Variants in DCP1A observed in about 807,000 individuals in gnomAD.
DCP1A encodes the protein decapping mRNA 1A.
A neutral mutation model predicts 58.0 loss-of-function variants in DCP1A; 20 were observed. The ratio of observed to expected loss-of-function variants is 0.34; its 90% confidence interval spans 0.24 to 0.50. The LOEUF (loss-of-function observed/expected upper bound fraction) is 0.50. DCP1A is among the 20% of genes least tolerant of loss of function. DCP1A has a pLI of 0.98. For missense variants in DCP1A, 613 were observed against 712.2 expected, an observed-to-expected ratio of 0.86 and a Z score of 1.59; for synonymous variants, 285 against 275.1, an observed-to-expected ratio of 1.04 and a Z score of -0.36.
intron 3 of DCP1A, among the ~76,000 whole-genome samples, chr3:53,322,570 A>G (rs142880005): frequency 1.3e-5 from 2 of 152,186 alleles, no homozygotes; most frequent in Non-Finnish European, 2.9e-5. Context: ...ACACACAGCA[A>G]GTGAACGGCT....
At chr3:53,343,292 C>T (rs2089242124) in intron 2 of DCP1A, among the ~76,000 whole-genome samples, 1 of 152,198 alleles carries the variant, frequency 6.6e-6, no homozygotes, top group Non-Finnish European at 1.5e-5. Context: ...GTAATAGCTG[C>T]AAAGTGACAG....
intron 1 of DCP1A, among the ~76,000 whole-genome samples, chr3:53,346,836 CTG>C (rs369499506): frequency 2.4e-4 from 36 of 152,268 alleles, no homozygotes; most frequent in East Asian, 2.1e-3. Context: ...TTCCGAAACT[CTG>C]TGTAGTTCGA....
chr3:53,335,996 C>T (rs1434636327), intron 3 of DCP1A, among the ~76,000 whole-genome samples: 15 of 151,984 alleles, frequency 9.9e-5, no homozygotes, highest in African/African-American at 1.7e-4. Context: ...GACAGGGTTT[C>T]GCCATGTTGC....
chr3:53,296,315 G>A (rs1488526591), intron 6 of DCP1A, among the ~76,000 whole-genome samples: 1 of 152,204 alleles, frequency 6.6e-6, no homozygotes, highest in African/African-American at 2.4e-5. Flanking sequence ...ACCAAGGCTA[G>A]GCTATTATAA....
intron 2 of DCP1A, among the ~76,000 whole-genome samples, chr3:53,343,126 C>T (rs1421236697): frequency 6.6e-6 from 1 of 152,074 alleles, no homozygotes; most frequent in Non-Finnish European, 1.5e-5. Context: ...TACGATATAC[C>T]CGGGGTGTTA....
chr3:53,304,549 A>G (rs1553687783), intron 5 of DCP1A, among the ~76,000 whole-genome samples: 2 of 152,138 alleles, frequency 1.3e-5, no homozygotes, highest in African/African-American at 4.8e-5. Context: ...TAATGGTATT[A>G]CTTTATCACA....
Position 53,292,610 on chromosome 3 carries a change from T to C in DCP1A, c.842A>G (p.His281Arg). The stretch of plus-strand genomic sequence containing the variant: ...GGTGATTTCAGGCTGGACTGAATGG[T>C]GGGCAGCAGAAGGGACACCCAGGGT... The part of the protein sequence containing the change: ...SETLGVPSAA[H>R]HSVQPEITTP... Residue 281 changes from histidine to arginine, a missense_variant, in exon 7 of 10, where the codon CAC becomes CGC. This residue lies in a region of DCP1A where 498 missense variants were observed against 556.7 expected (regional missense o/e 0.89). Coordinates refer to ENST00000610213, the MANE Select transcript of DCP1A (RefSeq NM_018403.7). 6.2e-7 allele frequency: 1 copy of C among 1,613,638 alleles called. No individual in the cohort carries two copies. Among genetic ancestry groups the C allele is most frequent in the Non-Finnish European group, 8.5e-7 (1 of 1,179,778 alleles).
At chr3:53,297,307 A>T (rs568005656) in intron 6 of DCP1A, among the ~76,000 whole-genome samples, 1 of 152,076 alleles carries the variant, frequency 6.6e-6, no homozygotes, top group Non-Finnish European at 1.5e-5. Context: ...TTAGAAAACA[A>T]ATGGGTCAGG....
chr3:53,301,244 C>A (rs755559714), intron 6 of DCP1A, among the ~76,000 whole-genome samples: 2 of 151,872 alleles, frequency 1.3e-5, no homozygotes, highest in Non-Finnish European at 2.9e-5. Context: ...TAAGACTGTA[C>A]AGACTTCCTA....
At chr3:53,292,000 G>A in intron 7 of DCP1A, 69 bp downstream of exon 7, 1 of 1,481,338 alleles carries the variant, frequency 6.8e-7, no homozygotes, top group South Asian at 1.3e-5. Context: ...TTAAAACCAA[G>A]GTCTCTGTAG....
intron 3 of DCP1A, among the ~76,000 whole-genome samples, chr3:53,336,862 A>ATTTAT (rs2089125420): frequency 6.7e-6 from 1 of 150,366 alleles, no homozygotes; most frequent in Admixed American, 6.6e-5. Context: ...TTATTTATTT[A>ATTTAT]TTTATTTATT....
chr3:53,313,846 G>C (rs541539744), intron 4 of DCP1A, among the ~76,000 whole-genome samples: 55 of 151,800 alleles, frequency 3.6e-4, no homozygotes, highest in African/African-American at 1.3e-3. Flanking sequence ...TAAAAATACT[G>C]GGTTAAACAA....
chr3:53,311,947 C>T lies in DCP1A; in HGVS notation c.510+294G>A, dbSNP rs546806169. Among the ~76,000 whole-genome samples the T allele has an allele frequency of 1.5e-3, 201 of 137,258 alleles. 1 individual carries two copies. Among genetic ancestry groups the T allele is most frequent in the Non-Finnish European group, 2.7e-3 (165 of 60,374 alleles). 90.0% of individuals were successfully genotyped at this position (137,258 alleles called of 152,430 possible). A position where few individuals can be genotyped will look rare whatever the true frequency, so the allele number is the denominator to read the frequency against. Reference sequence around the variant, plus strand: ...TTAGGTTTAAAATTGTAAGACACATCTGTTTTAAAAAAAAAAAAAGAGAGA... The same window carrying T: ...TTAGGTTTAAAATTGTAAGACACATTTGTTTTAAAAAAAAAAAAAGAGAGA... On this transcript the variant is annotated intron_variant, in intron 5 of 9. Coordinates refer to ENST00000610213, the MANE Select transcript of DCP1A (RefSeq NM_018403.7).
At chr3:53,300,203 T>C (rs1707267515) in intron 6 of DCP1A, among the ~76,000 whole-genome samples, 2 of 152,108 alleles carry the variant, frequency 1.3e-5, no homozygotes, top group Admixed American at 1.3e-4. Flanking sequence ...ATATGAAAAA[T>C]GACGGAATAA....
chr3:53,288,061 A>C lies in DCP1A; in HGVS notation c.1668+4T>G. The C allele has an allele frequency of 6.2e-7, 1 of 1,609,472 alleles. No homozygotes were observed. Among genetic ancestry groups the C allele is most frequent in the Non-Finnish European group, 8.5e-7 (1 of 1,175,944 alleles). ...ATCAAAGATAAAATTGGTATCCTAC[A>C]TACCTTTATTAGATGTATTAATGTA... On this transcript the variant is annotated splice_donor_region_variant and intron_variant, in intron 9 of 9. Transcript: ENST00000610213.
chr3:53,341,715 A>T (rs1017627615), intron 3 of DCP1A, among the ~76,000 whole-genome samples: 8 of 151,896 alleles, frequency 5.3e-5, no homozygotes, highest in Non-Finnish European at 8.8e-5. Flanking sequence ...TTATTTATTT[A>T]TTTTTTTGAG....
Position 53,292,578 on chromosome 3 carries a change from C to G in DCP1A, c.874G>C (p.Val292Leu). ...GTGATGGAGGCTGGAGTGATTAGCA[C>G]CGGGGTGGTGATTTCAGGCTGGACT... Reference protein sequence around the residue: ...HSVQPEITTPVLITPASITQS... With the variant: ...HSVQPEITTPLLITPASITQS... The change falls in exon 7 of 10, where the codon GTG (valine) becomes CTG (leucine). Residue 292 changes from valine to leucine, a missense_variant. Physicochemically the swap from Val to Leu is conservative, Grantham distance 32. This residue lies in a region of DCP1A where 498 missense variants were observed against 556.7 expected (regional missense o/e 0.89). Coordinates refer to ENST00000610213, the MANE Select transcript of DCP1A (RefSeq NM_018403.7). 6.2e-7 allele frequency: 1 copy of G among 1,613,794 alleles called. No homozygotes were observed. The highest frequency in any genetic ancestry group is 8.5e-7 in the Non-Finnish European group (1 of 1,179,838).
At position 53,312,301 on chromosome 3, in the gene DCP1A, G is replaced by A. The variant is rs370441268; in HGVS notation, c.450C>T (p.Ser150=). The A allele has an allele frequency of 1.0e-4, 167 of 1,613,250 alleles. No homozygotes were observed. The highest frequency in any genetic ancestry group is 3.3e-4 in the Middle Eastern group (2 of 6,078). ...CCAGGATGTCGATGGGCCTGTGGTCGCTGCAGCCATTGGCCTGGCTGGGAC... is the reference window on the plus strand; with the variant it reads ...CCAGGATGTCGATGGGCCTGTGGTCACTGCAGCCATTGGCCTGGCTGGGAC... ...KQSPSQANGC[S]DHRPIDILEM... The change falls in exon 5 of 10, where the codon AGC becomes AGT. Residue 150 remains serine, a synonymous_variant. Coordinates refer to ENST00000610213, the MANE Select transcript of DCP1A (RefSeq NM_018403.7).
chr3:53,319,824 A>G (rs1433568333), intron 3 of DCP1A, among the ~76,000 whole-genome samples: 1 of 152,224 alleles, frequency 6.6e-6, no homozygotes, highest in Admixed American at 6.5e-5. Flanking sequence ...TCTAAGATGC[A>G]TTCTAAATTG....
Sources: gnomAD v4.1 joint callset for allele counts (sites outside exome capture counted in the v4.1 genomes callset) on GRCh38, gnomAD v4.1.1 for gene constraint, gnomAD v4.1.1 regional missense constraint, MANE v1.5 for transcripts, NCBI Gene and HGNC (gene_info 2026-07-23, HGNC 2026-07-21) for gene names.